Variants in PTPRD observed in about 807,000 individuals in gnomAD.
PTPRD encodes receptor-type tyrosine-protein phosphatase delta.
PTPRD carries 34 observed loss-of-function variants against 214.5 expected under a neutral mutation model. The ratio of observed to expected loss-of-function variants is 0.16; its 90% CI spans 0.12 to 0.21. The LOEUF (loss-of-function observed/expected upper bound fraction) is 0.21, where lower values mean the gene tolerates loss of function less well. Ranked by LOEUF, PTPRD falls within the 10% of genes least tolerant of loss-of-function variation. The pLI is 1.00. For synonymous variants in PTPRD, 1,128 were observed against 845.7 expected (o/e 1.33, Z -5.79); for missense variants, 2,545 against 2,398.7 (o/e 1.06, Z -1.27).
chr9:9,692,010 T>C (rs2097280886), intron 7 of PTPRD, among the ~76,000 whole-genome samples: 1 of 152,104 alleles, frequency 6.6e-6, no homozygotes, highest in Non-Finnish European at 1.5e-5. Context: ...ACTCCATATA[T>C]ACTCTGGTTA....
intron 11 of PTPRD, among the ~76,000 whole-genome samples, chr9:8,771,493 T>A (rs1306769896): frequency 6.6e-6 from 1 of 152,158 alleles, no homozygotes; most frequent in Non-Finnish European, 1.5e-5. Context: ...CAAGTCTAAG[T>A]CAGTGTAGTA....
intron 4 of PTPRD, among the ~76,000 whole-genome samples, chr9:10,023,498 A>T (rs1378023738): frequency 4.6e-5 from 7 of 152,198 alleles, no homozygotes; most frequent in African/African-American, 1.7e-4. Context: ...ATATAAAGTT[A>T]ACTTCTGTGT....
chr9:10,413,284 C>G (rs2098455817), intron 2 of PTPRD, among the ~76,000 whole-genome samples: 1 of 151,854 alleles, frequency 6.6e-6, no homozygotes. Context: ...AATCAATGTA[C>G]AAAAGTCAAT....
At chr9:8,498,410 G>C (rs775748646) in intron 25 of PTPRD, among the ~76,000 whole-genome samples, 2 of 152,030 alleles carry the variant, frequency 1.3e-5, no homozygotes, top group Non-Finnish European at 2.9e-5. Flanking sequence ...CTAGTAGCTG[G>C]GACCACACAG....
intron 17 of PTPRD, chr9:8,525,254 A>G (rs1484089235): frequency 5.9e-6 from 4 of 673,172 alleles, no homozygotes; most frequent in Non-Finnish European, 1.1e-5. Flanking sequence ...AGCATTAGAA[A>G]TCAATATCTC....
At chr9:9,423,553 G>T (rs1468679345) in intron 8 of PTPRD, among the ~76,000 whole-genome samples, 1 of 152,114 alleles carries the variant, frequency 6.6e-6, no homozygotes. Context: ...AATGCCGTGA[G>T]AATAAGAGAC....
chr9:9,391,393 A>G (rs1204818276), intron 9 of PTPRD, among the ~76,000 whole-genome samples: 2 of 152,232 alleles, frequency 1.3e-5, no homozygotes, highest in Non-Finnish European at 1.5e-5. Flanking sequence ...TGATTTGACT[A>G]ATGGGTAAAA....
At chr9:9,733,770 G>C (rs992578659) in intron 7 of PTPRD, among the ~76,000 whole-genome samples, 2 of 152,138 alleles carry the variant, frequency 1.3e-5, no homozygotes, top group African/African-American at 4.8e-5. Flanking sequence ...CTAAGCTAGA[G>C]ATTTCTTCAT....
intron 9 of PTPRD, among the ~76,000 whole-genome samples, chr9:9,354,676 A>T (rs2052994004): frequency 6.6e-6 from 1 of 151,782 alleles, no homozygotes; most frequent in South Asian, 2.1e-4. Flanking sequence ...AGGAGGTAAA[A>T]AGTGCTATGG....
chr9:10,258,379 T>G (rs1293056276), intron 3 of PTPRD, among the ~76,000 whole-genome samples: 1 of 152,014 alleles, frequency 6.6e-6, no homozygotes, highest in South Asian at 2.1e-4. Flanking sequence ...GGGATGAAGG[T>G]AGAATATTAT....
rs565917050 is a variant in PTPRD at position 9,573,448 on chromosome 9, T to C, written c.-237+1284A>G. On this transcript the variant is annotated intron_variant, in intron 8 of 45. Transcript: ENST00000381196. ...AAAAAACTTATGTCAGTATTGGTTA[T>C]ATGGGTGTAATTCATTTTGTAACAA... Among the ~76,000 whole-genome samples, 3 of 151,544 alleles carry C rather than the reference T, an allele frequency of 2.0e-5. No individual in the cohort carries two copies. The South Asian group carries it at 6.2e-4, about 31-fold the overall frequency.
chr9:9,359,406 C>T (rs1032115933), intron 9 of PTPRD, among the ~76,000 whole-genome samples: 4 of 151,238 alleles, frequency 2.6e-5, no homozygotes, highest in African/African-American at 4.8e-5. Flanking sequence ...ATAAAAATGT[C>T]CCCTGATAAG....
intron 8 of PTPRD, among the ~76,000 whole-genome samples, chr9:9,475,102 T>C (rs1037997412): frequency 2.0e-5 from 3 of 152,216 alleles, no homozygotes; most frequent in Non-Finnish European, 4.4e-5. Flanking sequence ...TACTACCAAC[T>C]GAAGTCAGGC....
At chr9:9,203,972 T>A (rs915520754) in intron 9 of PTPRD, among the ~76,000 whole-genome samples, 8 of 152,194 alleles carry the variant, frequency 5.3e-5, no homozygotes, top group African/African-American at 1.4e-4. Flanking sequence ...TAGGTAAAGA[T>A]AGGCACAATA....
chr9:10,040,407 A>C (rs1372184065), intron 3 of PTPRD, among the ~76,000 whole-genome samples: 1 of 152,056 alleles, frequency 6.6e-6, no homozygotes, highest in Non-Finnish European at 1.5e-5. Context: ...TTCTGCCCAA[A>C]CTACATACTG....
rs1034939388 is a variant in PTPRD at position 10,229,637 on chromosome 9, G to A, written c.-545+111326C>T. On this transcript the variant is annotated intron_variant, in intron 3 of 45. Coordinates refer to ENST00000381196, the MANE Select transcript of PTPRD (RefSeq NM_002839.4). ...AAACACCGCATGTTCTCACTCATAG[G>A]TGGGAATTGAACAATGAGAACACAT... is the stretch of plus-strand genomic sequence containing the variant. 7.3e-5 allele frequency among the ~76,000 whole-genome samples: 11 copies of A among 150,336 alleles called. No individual in the cohort carries two copies. In the South Asian group the frequency reaches 1.5e-3, roughly 20 times the overall value.
intron 5 of PTPRD, among the ~76,000 whole-genome samples, chr9:9,858,527 A>C (rs1228073793): frequency 6.6e-6 from 1 of 152,184 alleles, no homozygotes; most frequent in Non-Finnish European, 1.5e-5. Flanking sequence ...CAGAAGAGAC[A>C]CAACTAATTC....
chr9:9,031,169 G>C (rs547591212), intron 10 of PTPRD, among the ~76,000 whole-genome samples: 1 of 151,552 alleles, frequency 6.6e-6, no homozygotes, highest in African/African-American at 2.4e-5. Context: ...ATGGGTCTTT[G>C]ATGCAGAGCC....
chr9:9,958,041 T>C (rs1587293662), intron 4 of PTPRD, among the ~76,000 whole-genome samples: 2 of 152,112 alleles, frequency 1.3e-5, no homozygotes, highest in South Asian at 4.1e-4. Flanking sequence ...AGAGAGAGAA[T>C]CTAGACATAG....
Sources: allele counts gnomAD v4.1 joint callset (sites outside exome capture counted in the v4.1 genomes callset), GRCh38; gene constraint gnomAD v4.1.1; transcripts MANE v1.5; gene names NCBI Gene and HGNC (gene_info 2026-07-23, HGNC 2026-07-21).